The following TENM1 variants were observed in gnomAD, a reference collection of about 807,000 sequenced individuals.
TENM1 encodes teneurin-1.
A neutral mutation model predicts 174.8 loss-of-function variants in TENM1; 35 were observed. That is an observed-to-expected ratio of 0.20 (90% confidence interval 0.15 to 0.27). The LOEUF is 0.27. TENM1 is among the 10% of genes least tolerant of loss of function. TENM1 has a pLI of 1.00. For missense variants in TENM1, 1,633 were observed against 2,130.1 expected (o/e 0.77, Z 4.59); for synonymous variants, 781 against 798.7 (o/e 0.98, Z 0.37).
chrX:124,587,519 A>G (rs1314455233), intron 11 of TENM1, among the ~76,000 whole-genome samples: 1 of 111,108 alleles, frequency 9.0e-6, no homozygotes, highest in Non-Finnish European at 1.9e-5. Flanking sequence ...CCTTCCTTAC[A>G]CCTTATACAA....
intron 3 of TENM1, among the ~76,000 whole-genome samples, chrX:124,806,222 G>T (rs2147251329): frequency 8.9e-6 from 1 of 112,027 alleles, no homozygotes; most frequent in South Asian, 3.7e-4. Flanking sequence ...TGATCATGCT[G>T]AAGAAATAAT....
At chrX:125,159,972 G>A in the TENM1 span, among the ~76,000 whole-genome samples, 14 of 110,581 alleles carry the variant, frequency 1.3e-4, 1 homozygote, top group South Asian at 1.2e-3. Flanking sequence ...GGTGGAGGCC[G>A]GCAGATCACT....
intron 11 of TENM1, among the ~76,000 whole-genome samples, chrX:124,568,021 T>C (rs993157067): frequency 8.9e-6 from 1 of 112,277 alleles, no homozygotes; most frequent in African/African-American, 3.2e-5. Flanking sequence ...TAGGACTAGA[T>C]GAACAGTATT....
chrX:124,732,016 A>G (rs1258722872), intron 4 of TENM1, among the ~76,000 whole-genome samples: 1 of 112,214 alleles, frequency 8.9e-6, no homozygotes, highest in African/African-American at 3.2e-5. Flanking sequence ...TACAGATGAC[A>G]TAATTCTGAG....
the TENM1 span, among the ~76,000 whole-genome samples, chrX:125,061,255 A>T: frequency 9.0e-6 from 1 of 111,275 alleles, no homozygotes; most frequent in Non-Finnish European, 1.9e-5. Context: ...TTTCCCAGAT[A>T]TTTGCTGAGT....
exon 32 of TENM1, chrX:124,381,206 T>C: frequency 8.3e-7 from 1 of 1,207,957 alleles, no homozygotes; most frequent in Non-Finnish European, 1.1e-6. Flanking sequence ...GCACCGTCCA[T>C]CATTGTATCG....
chrX:124,978,066 T>C, the TENM1 span, among the ~76,000 whole-genome samples: 1,107 of 107,926 alleles, frequency 0.01, 21 homozygotes, highest in African/African-American at 0.036. Flanking sequence ...TATCTACAGA[T>C]CAATCTTCAA....
At chrX:124,616,132 C>G (rs1215161092) in intron 11 of TENM1, among the ~76,000 whole-genome samples, 1 of 112,731 alleles carries the variant, frequency 8.9e-6, no homozygotes, top group East Asian at 2.8e-4. Context: ...TATTGGATAT[C>G]TGAATGGATA....
the TENM1 span, among the ~76,000 whole-genome samples, chrX:125,063,745 G>A: frequency 1.5e-4 from 17 of 111,295 alleles, no homozygotes; most frequent in African/African-American, 2.9e-4. Context: ...TGTGGAAGTC[G>A]GTGTGGTGAT....
intron 3 of TENM1, among the ~76,000 whole-genome samples, chrX:124,827,838 T>C (rs750853348): frequency 1.8e-5 from 2 of 112,150 alleles, no homozygotes; most frequent in African/African-American, 6.5e-5. Flanking sequence ...ACCTTTGGCC[T>C]GAGTTAACTA....
At chrX:125,042,538 G>C in the TENM1 span, among the ~76,000 whole-genome samples, 1 of 111,130 alleles carries the variant, frequency 9.0e-6, no homozygotes, top group Non-Finnish European at 1.9e-5. Context: ...ATCTGAAAAT[G>C]ACCTGGATAA....
Position 124,646,931 on chromosome X carries a change from A to C in TENM1, c.1580-121T>G, listed in dbSNP as rs748581037. 3 of 453,659 alleles carry C rather than the reference A, an allele frequency of 6.6e-6. No individual in the cohort carries two copies. The South Asian group carries it at 1.2e-4, about 19-fold the overall frequency. The allele number at this position is 453,659 out of a possible 1,213,427, so 37.4% of individuals were successfully genotyped here. ...CAATTTTGCCCTTTGCTGTTTGTGGAGCACTTACTGCTCAAAATCACATAC... is the reference window on the plus strand; with the variant it reads ...CAATTTTGCCCTTTGCTGTTTGTGGCGCACTTACTGCTCAAAATCACATAC... On this transcript the variant is annotated intron_variant, in intron 8 of 31. Transcript: ENST00000422452.
At chrX:124,961,905 C>T (rs113113359) in intron 1 of TENM1, among the ~76,000 whole-genome samples, 6,118 of 111,266 alleles carry the variant, frequency 0.055, 345 homozygotes, top group African/African-American at 0.17. Context: ...AAACAAAAAA[C>T]AGTCTAGGTG....
chrX:124,629,591 C>A lies in TENM1; in HGVS notation c.2077+12200G>T, dbSNP rs771539490. Reference sequence around the variant, plus strand: ...GCTATGTGTTGCACATATGTTATCTCATTTAACCCCTACAACTATATTACA... The same window carrying A: ...GCTATGTGTTGCACATATGTTATCTAATTTAACCCCTACAACTATATTACA... On this transcript the variant is annotated intron_variant, in intron 11 of 31. Transcript: ENST00000422452. Among the ~76,000 whole-genome samples, 37 of 112,362 alleles carry A rather than the reference C, an allele frequency of 3.3e-4. 1 individual carries two copies. The highest frequency in any genetic ancestry group is 9.3e-3 in the Middle Eastern group (2 of 216).
chrX:124,471,456 A>AGC lies in TENM1; in HGVS notation c.3949+10275_3949+10276insGC, dbSNP rs1472807743. Among the ~76,000 whole-genome samples the AGC allele has an allele frequency of 3.6e-4, 13 of 36,086 alleles. 2 individuals are homozygous for AGC. The highest frequency in any genetic ancestry group is 5.1e-4 in the Admixed American group (1 of 1,972). 31.3% of individuals were successfully genotyped at this position (36,086 alleles called of 115,157 possible). Reference sequence around the variant, plus strand: ...TTATATAATATATAGTACTATATATAATACTATATATAATATATAATATAT... The same window carrying AGC: ...TTATATAATATATAGTACTATATATAGCATACTATATATAATATATAATATAT... On this transcript the variant is annotated intron_variant, in intron 22 of 31. Coordinates refer to ENST00000422452, the Ensembl canonical transcript of TENM1.
chrX:125,000,932 GT>G, the TENM1 span, among the ~76,000 whole-genome samples: 15 of 108,409 alleles, frequency 1.4e-4, no homozygotes, highest in South Asian at 4.0e-4. Flanking sequence ...AGCCTCCTTT[GT>G]TTTTTTTTCC....
intron 3 of TENM1, among the ~76,000 whole-genome samples, chrX:124,754,157 A>C (rs765104142): frequency 9.0e-6 from 1 of 111,374 alleles, no homozygotes; most frequent in Admixed American, 9.5e-5. Flanking sequence ...TATTGCCACA[A>C]TTTCAGAGCC....
chrX:124,577,374 A>T (rs182572953), intron 11 of TENM1, among the ~76,000 whole-genome samples: 24 of 111,633 alleles, frequency 2.1e-4, no homozygotes, highest in Admixed American at 7.6e-4. Flanking sequence ...ACCCTTATAA[A>T]TAAGCATGAC....
chrX:124,735,706 T>C (rs968737079), intron 4 of TENM1, among the ~76,000 whole-genome samples: 4 of 111,552 alleles, frequency 3.6e-5, no homozygotes, highest in African/African-American at 6.5e-5. Context: ...CAATGAATAA[T>C]TGGATGAAGA....
Sources: allele counts gnomAD v4.1 joint callset (sites outside exome capture counted in the v4.1 genomes callset), GRCh38; gene constraint gnomAD v4.1.1; transcripts MANE v1.5; gene names NCBI Gene and HGNC (gene_info 2026-07-23, HGNC 2026-07-21).